The following MSI2 variants were observed in gnomAD, a reference collection of about 807,000 sequenced individuals.
MSI2 encodes musashi RNA binding protein 2, also known as RNA-binding protein Musashi homolog 2.
MSI2 carries 17 observed loss-of-function variants against 45.6 expected under a neutral mutation model. The observed-to-expected ratio is 0.37, with a 90% confidence interval of 0.26 to 0.56. The LOEUF (loss-of-function observed/expected upper bound fraction) is 0.56, where lower values mean the gene tolerates loss of function less well. MSI2 is among the 20% of genes least tolerant of loss of function. The probability of loss-of-function intolerance (pLI) is 0.77; values close to 1 mark genes in which losing one functional copy is unlikely to be tolerated. For synonymous variants in MSI2, 156 were observed against 158.2 expected, an observed-to-expected ratio of 0.99 and a Z score of 0.11; for missense variants, 293 against 444.2, an observed-to-expected ratio of 0.66 and a Z score of 3.06.
chr17:57,340,106 T>G (rs1436126901), intron 5 of MSI2, among the ~76,000 whole-genome samples: 2 of 152,188 alleles, frequency 1.3e-5, no homozygotes, highest in Admixed American at 6.5e-5. Context: ...CCATTTGCCC[T>G]AGGTTGGCTT....
chr17:57,586,888 A>G (rs766624944), intron 7 of MSI2, among the ~76,000 whole-genome samples: 3 of 151,638 alleles, frequency 2.0e-5, no homozygotes, highest in Non-Finnish European at 4.4e-5. Flanking sequence ...CATGTAAGAG[A>G]GTTCCTCAAA....
intron 6 of MSI2, among the ~76,000 whole-genome samples, chr17:57,519,926 C>T (rs1013358631): frequency 5.9e-5 from 9 of 152,102 alleles, no homozygotes; most frequent in Non-Finnish European, 1.0e-4. Context: ...TGTGTGGGCA[C>T]GTGCCTGTAA....
intron 5 of MSI2, among the ~76,000 whole-genome samples, chr17:57,375,749 G>A (rs2083484897): frequency 6.6e-6 from 1 of 152,154 alleles, no homozygotes; most frequent in South Asian, 2.1e-4. Context: ...CAGCCATTTC[G>A]GGGAATGGGG....
At chr17:57,384,522 T>C (rs2083652032) in intron 5 of MSI2, among the ~76,000 whole-genome samples, 2 of 152,190 alleles carry the variant, frequency 1.3e-5, no homozygotes. Flanking sequence ...TGACTCAGCA[T>C]TGAAATTCAT....
intron 5 of MSI2, among the ~76,000 whole-genome samples, chr17:57,389,234 C>A (rs1322350009): frequency 1.3e-5 from 2 of 152,162 alleles, no homozygotes; most frequent in Non-Finnish European, 1.5e-5. Flanking sequence ...GCCTCGGCCT[C>A]CCAAAGTACT....
intron 7 of MSI2, among the ~76,000 whole-genome samples, chr17:57,569,212 G>A (rs183604144): frequency 1.8e-4 from 28 of 152,258 alleles, no homozygotes; most frequent in African/African-American, 1.7e-4. Context: ...TCATCTATTC[G>A]CCAGATGTTC....
chr17:57,447,426 G>A (rs774022633), intron 6 of MSI2, among the ~76,000 whole-genome samples: 4 of 152,240 alleles, frequency 2.6e-5, no homozygotes, highest in South Asian at 4.1e-4. Flanking sequence ...TTTAAATCAC[G>A]CTTCTCTGGA....
At chr17:57,419,367 CTT>C (rs11465030) in intron 6 of MSI2, among the ~76,000 whole-genome samples, 102,462 of 145,996 alleles carry the variant, frequency 0.7, 36,384 homozygotes, top group South Asian at 0.88. Context: ...TTACATTTTT[CTT>C]TTTTTTTTTT....
chr17:57,352,082 C>T (rs868557686), intron 5 of MSI2, among the ~76,000 whole-genome samples: 10 of 152,198 alleles, frequency 6.6e-5, no homozygotes, highest in Non-Finnish European at 1.3e-4. Context: ...GGATATAAGT[C>T]GCAGGAAAGT....
In MSI2 at chr17:57,619,578, A is replaced by T. The variant is rs1171107385; in HGVS notation, c.652+3494A>T. 3.3e-5 allele frequency among the ~76,000 whole-genome samples: 5 copies of T among 152,296 alleles called. No individual in the cohort carries two copies. The East Asian group carries it at 5.8e-4, about 18-fold the overall frequency. ...GAGGACCCTACTGTGGGACCTTGAG[A>T]GCCAACGAGCCTGGCCACGTGTGTG... On this transcript the variant is annotated intron_variant, in intron 9 of 13. Transcript: ENST00000284073.
intron 5 of MSI2, among the ~76,000 whole-genome samples, chr17:57,269,280 CA>C (rs1188885944): frequency 3.3e-5 from 5 of 152,260 alleles, no homozygotes; most frequent in Admixed American, 6.5e-5. Flanking sequence ...CTCAAGGGCC[CA>C]ATAAGGCAAA....
intron 11 of MSI2, among the ~76,000 whole-genome samples, chr17:57,673,346 G>C (rs1389789885): frequency 6.6e-6 from 1 of 152,228 alleles, no homozygotes; most frequent in Non-Finnish European, 1.5e-5. Context: ...CACCTGCATC[G>C]ATGTTCTTTG....
intron 10 of MSI2, among the ~76,000 whole-genome samples, chr17:57,650,300 C>G (rs887227622): frequency 6.6e-6 from 1 of 152,150 alleles, no homozygotes; most frequent in South Asian, 2.1e-4. Flanking sequence ...GAATGACTCA[C>G]CTGCACCCTC....
At chr17:57,287,784 T>C (rs1035865042) in intron 5 of MSI2, among the ~76,000 whole-genome samples, 5 of 152,144 alleles carry the variant, frequency 3.3e-5, no homozygotes, top group African/African-American at 1.2e-4. Flanking sequence ...TTTCGGCCGG[T>C]TATGAATGAA....
chr17:57,552,668 C>T lies in MSI2; in HGVS notation c.454+22944C>T, dbSNP rs1167520724. Among the ~76,000 whole-genome samples the T allele has an allele frequency of 1.3e-5, 2 of 152,230 alleles. No homozygotes were observed. Among genetic ancestry groups the T allele is most frequent in the African/African-American group, 4.8e-5 (2 of 41,462 alleles). ...TTTTCTACAACCAGAAGGTGATTCT[C>T]TGGCTTCTGAGCTTCACCCAACCCT... On this transcript the variant is annotated intron_variant, in intron 7 of 13. Transcript: ENST00000284073. This position sits in a 1 kb window ranked among gnomAD's most constrained non-coding sequence, Gnocchi z 4.3.
intron 7 of MSI2, among the ~76,000 whole-genome samples, chr17:57,551,662 C>T (rs2087308584): frequency 6.6e-6 from 1 of 152,150 alleles, no homozygotes; most frequent in Admixed American, 6.5e-5. Context: ...CCCCCACCCA[C>T]TGCTGAAGTC....
intron 6 of MSI2, among the ~76,000 whole-genome samples, chr17:57,403,274 C>T (rs2084026143): frequency 6.6e-6 from 1 of 151,660 alleles, no homozygotes; most frequent in Non-Finnish European, 1.5e-5. Context: ...TTCTTTCTGT[C>T]TCTCTCTCTC....
At chr17:57,441,849 A>T (rs2084805329) in intron 6 of MSI2, among the ~76,000 whole-genome samples, 1 of 152,146 alleles carries the variant, frequency 6.6e-6, no homozygotes, top group Non-Finnish European at 1.5e-5. Flanking sequence ...TTAGGCAAAG[A>T]TGATGCCTGC....
At chr17:57,647,632 A>G (rs1296053790) in intron 10 of MSI2, among the ~76,000 whole-genome samples, 1 of 150,282 alleles carries the variant, frequency 6.7e-6, no homozygotes. Context: ...GGCAGGTGTC[A>G]CCAACATTTT....
Sources: gnomAD v4.1 joint callset for allele counts (sites outside exome capture counted in the v4.1 genomes callset) on GRCh38, gnomAD v4.1.1 for gene constraint, Gnocchi (gnomAD v3.1) non-coding constraint, MANE v1.5 for transcripts, NCBI Gene and HGNC (gene_info 2026-07-23, HGNC 2026-07-21) for gene names.